Variants in KCNN2 observed in about 807,000 individuals in gnomAD.
The protein encoded by KCNN2 is potassium calcium-activated channel subfamily N member 2.
KCNN2 carries 24 observed loss-of-function variants against 55.5 expected under a neutral mutation model. The observed-to-expected ratio is 0.43, with a 90% CI of 0.31 to 0.61. The LOEUF is 0.61. Among genes scored for constraint, KCNN2 ranks in the 20% least tolerant of loss-of-function variants. The pLI, the probability that KCNN2 is intolerant of heterozygous loss-of-function variation, is 0.08. For missense variants in KCNN2, 754 were observed against 853.6 expected, an observed-to-expected ratio of 0.88 and a Z score of 1.45; for synonymous variants, 431 against 336.1, an observed-to-expected ratio of 1.28 and a Z score of -3.09.
chr5:114,358,062 A>AT (rs1757331427), upstream of KCNN2, among the ~76,000 whole-genome samples: 1 of 150,948 alleles, frequency 6.6e-6, no homozygotes, highest in Non-Finnish European at 1.5e-5. Flanking sequence ...GATGATGAGC[A>AT]TTTTTTCATG....
chr5:114,264,368 A>G (rs1755167749), intron 2 of KCNN2, among the ~76,000 whole-genome samples: 1 of 152,160 alleles, frequency 6.6e-6, no homozygotes, highest in Non-Finnish European at 1.5e-5. Context: ...TGCTTGTACA[A>G]GTGGAAAAAT....
At chr5:114,303,280 T>A (rs1756203457) in intron 2 of KCNN2, among the ~76,000 whole-genome samples, 1 of 152,258 alleles carries the variant, frequency 6.6e-6, no homozygotes, top group Non-Finnish European at 1.5e-5. Flanking sequence ...TAGGTATTCA[T>A]TATACTAATT....
At chr5:114,178,296 C>G (rs1753175387) in intron 1 of KCNN2, among the ~76,000 whole-genome samples, 1 of 152,216 alleles carries the variant, frequency 6.6e-6, no homozygotes, top group Non-Finnish European at 1.5e-5. Flanking sequence ...GTTCCATAAA[C>G]TGCCATCTGG....
At chr5:114,088,473 G>A (rs2112551147) in intron 1 of KCNN2, among the ~76,000 whole-genome samples, 1 of 151,740 alleles carries the variant, frequency 6.6e-6, no homozygotes, top group South Asian at 2.1e-4. Context: ...CTGAAGCTCT[G>A]TCCATTTTTT....
intron 2 of KCNN2, among the ~76,000 whole-genome samples, chr5:114,338,107 G>C (rs183551230): frequency 6.2e-4 from 95 of 152,258 alleles, no homozygotes; most frequent in Non-Finnish European, 1.1e-3. Context: ...TTTTTAAGGT[G>C]CATTAAGCCA....
chr5:114,199,817 A>C (rs1395753231), intron 1 of KCNN2, among the ~76,000 whole-genome samples: 1 of 152,040 alleles, frequency 6.6e-6, no homozygotes, highest in Non-Finnish European at 1.5e-5. Flanking sequence ...TTCTATTAGC[A>C]CTTTGAAAGT....
intron 2 of KCNN2, among the ~76,000 whole-genome samples, chr5:114,354,491 G>C (rs1331142546): frequency 6.6e-6 from 1 of 151,998 alleles, no homozygotes; most frequent in Non-Finnish European, 1.5e-5. Flanking sequence ...GCTACCATGA[G>C]GTAAGTTAAC....
chr5:114,441,437 A>G (rs368872909), intron 3 of KCNN2, among the ~76,000 whole-genome samples: 1 of 152,182 alleles, frequency 6.6e-6, no homozygotes, highest in Admixed American at 6.5e-5. Context: ...CATAAAATAC[A>G]TCTCAGTAGA....
At chr5:114,367,112 G>A (rs933300328) in intron 2 of KCNN2, among the ~76,000 whole-genome samples, 15 of 152,168 alleles carry the variant, frequency 9.9e-5, no homozygotes, top group African/African-American at 3.4e-4. Flanking sequence ...AAGCAGATCC[G>A]TGTGACCTTT....
intron 2 of KCNN2, among the ~76,000 whole-genome samples, chr5:114,296,124 G>T (rs1460471268): frequency 3.3e-5 from 5 of 152,186 alleles, no homozygotes; most frequent in Admixed American, 3.3e-4. Flanking sequence ...CCTAGATTAA[G>T]AGCTCTTGTT....
intron 1 of KCNN2, among the ~76,000 whole-genome samples, chr5:114,079,988 C>A (rs1750773753): frequency 6.6e-6 from 1 of 151,940 alleles, no homozygotes; most frequent in African/African-American, 2.4e-5. Context: ...AGCTGGCTTC[C>A]CTCTTACTCT....
intron 1 of KCNN2, among the ~76,000 whole-genome samples, chr5:114,089,193 G>A (rs1278354846): frequency 6.6e-6 from 1 of 152,040 alleles, no homozygotes; most frequent in Non-Finnish European, 1.5e-5. Context: ...GGATTTTGTT[G>A]TCTTCCTTTA....
intron 2 of KCNN2, among the ~76,000 whole-genome samples, chr5:114,223,964 T>C (rs905546584): frequency 1.2e-4 from 19 of 152,168 alleles, no homozygotes; most frequent in African/African-American, 4.1e-4. Context: ...GAATCAGTTG[T>C]ACTATTGGAA....
chr5:114,459,881 T>C (rs1035784150), intron 3 of KCNN2, among the ~76,000 whole-genome samples: 2 of 152,176 alleles, frequency 1.3e-5, no homozygotes, highest in African/African-American at 4.8e-5. Context: ...TAATGATGTA[T>C]TTCCTGAGAG....
At chr5:114,382,159 A>G (rs1758144052) in intron 2 of KCNN2, among the ~76,000 whole-genome samples, 1 of 152,224 alleles carries the variant, frequency 6.6e-6, no homozygotes, top group Admixed American at 6.5e-5. Context: ...GGATAGCAAC[A>G]TAGAAGACCT....
intron 2 of KCNN2, among the ~76,000 whole-genome samples, chr5:114,248,120 C>A (rs554356967): frequency 6.6e-6 from 1 of 152,274 alleles, no homozygotes; most frequent in African/African-American, 2.4e-5. Context: ...AGTCTCAGTC[C>A]AATGCCTTCT....
intron 2 of KCNN2, among the ~76,000 whole-genome samples, chr5:114,323,749 G>A (rs1055688757): frequency 6.9e-6 from 1 of 144,020 alleles, no homozygotes; most frequent in African/African-American, 2.5e-5. Flanking sequence ...CCGTCTGCCC[G>A]GTTCAAGAGA....
intron 5 of KCNN2, among the ~76,000 whole-genome samples, chr5:114,479,792 A>G (rs982756089): frequency 6.6e-6 from 1 of 152,202 alleles, no homozygotes; most frequent in African/African-American, 2.4e-5. Context: ...TTGGGTAGAT[A>G]ATGAAATTAA....
intron 1 of KCNN2, among the ~76,000 whole-genome samples, chr5:114,206,295 AC>A (rs1753766226): frequency 1.3e-5 from 2 of 152,130 alleles, no homozygotes. Flanking sequence ...GAGCTCTTAA[AC>A]ATTTCCTTCT....
Sources: allele counts gnomAD v4.1 joint callset (sites outside exome capture counted in the v4.1 genomes callset), GRCh38; gene constraint gnomAD v4.1.1; transcripts MANE v1.5; gene names NCBI Gene and HGNC (gene_info 2026-07-23, HGNC 2026-07-21).